The following ARHGAP23 variants were observed in gnomAD, a reference collection of about 807,000 sequenced individuals.
ARHGAP23 encodes the protein Rho GTPase activating protein 23.
A neutral mutation model predicts 136.3 loss-of-function variants in ARHGAP23; 34 were observed. The ratio of observed to expected loss-of-function variants is 0.25; its 90% CI spans 0.19 to 0.33. The LOEUF is 0.33. Ranked by LOEUF, ARHGAP23 falls within the 10% of genes least tolerant of loss-of-function variation. The pLI is 1.00. For missense variants in ARHGAP23, 1,808 were observed against 2,139.0 expected (o/e 0.85, Z 3.05); for synonymous variants, 832 against 920.5 (o/e 0.90, Z 1.74).
intron 11 of ARHGAP23, among the ~76,000 whole-genome samples, chr17:38,473,825 G>A (rs1433658951): frequency 6.6e-6 from 1 of 152,178 alleles, no homozygotes; most frequent in African/African-American, 2.4e-5. Flanking sequence ...GGGAGCCAGG[G>A]CGAGAGGTGG....
At chr17:38,499,744 G>C (rs562149945) in intron 22 of ARHGAP23, among the ~76,000 whole-genome samples, 374 of 152,258 alleles carry the variant, frequency 2.5e-3, no homozygotes, top group African/African-American at 8.9e-3. Context: ...GGTCCGGAGA[G>C]GGGGGCGTCT....
chr17:38,463,047 C>T, intron 4 of ARHGAP23, 71 bp from the exon 5 acceptor site: 1 of 1,534,938 alleles, frequency 6.5e-7, no homozygotes, highest in African/African-American at 1.4e-5. Flanking sequence ...GTTAGCCATG[C>T]CTGGTACAGG....
intron 7 of ARHGAP23, among the ~76,000 whole-genome samples, chr17:38,467,938 T>G (rs1245092248): frequency 6.6e-6 from 1 of 152,212 alleles, no homozygotes; most frequent in Admixed American, 6.5e-5. Context: ...CATGGCTCCA[T>G]GCTCTCCTGG....
intron 1 of ARHGAP23, among the ~76,000 whole-genome samples, chr17:38,434,434 G>A (rs896172145): frequency 2.0e-5 from 3 of 152,262 alleles, no homozygotes; most frequent in African/African-American, 7.2e-5. Flanking sequence ...CCTCTTTGAA[G>A]TGACCCTTTC....
chr17:38,466,717 G>A lies in ARHGAP23; in HGVS notation c.1034G>A (p.Gly345Asp), dbSNP rs1208755110. The A allele has an allele frequency of 1.3e-6, 2 of 1,538,220 alleles. No homozygotes were observed. The highest frequency in any genetic ancestry group is 1.8e-6 in the Non-Finnish European group (2 of 1,141,450). The change falls in exon 7 of 24, where the codon GGC (glycine) becomes GAC (aspartate). Residue 345 changes from glycine (G) to aspartate (D), a missense_variant. Coordinates refer to ENST00000622683, the MANE Select transcript of ARHGAP23 (RefSeq NM_001199417.2). ...QDALSQLGQE[G>D]WHRARSDDYL... ...GCTTTGAGCCAGCTGGGCCAGGAGG[G>A]CTGGCACCGAGCTCGCTCAGATGAC...
chr17:38,448,562 G>T (rs949206518), intron 1 of ARHGAP23, among the ~76,000 whole-genome samples: 1 of 151,710 alleles, frequency 6.6e-6, no homozygotes, highest in Non-Finnish European at 1.5e-5. Context: ...TAGAGATAGG[G>T]CTCTGACTCA....
intron 1 of ARHGAP23, among the ~76,000 whole-genome samples, chr17:38,446,293 G>A (rs1012517520): frequency 2.0e-5 from 3 of 150,928 alleles, no homozygotes; most frequent in Non-Finnish European, 2.9e-5. Context: ...CCAAAGTGCT[G>A]GGATTACAGG....
intron 8 of ARHGAP23, 57 bp downstream of exon 8, chr17:38,469,356 G>A (rs1179411941): frequency 7.3e-6 from 11 of 1,506,720 alleles, no homozygotes; most frequent in Middle Eastern, 1.7e-4. Context: ...AGTCCCAGGG[G>A]TCTCTGTTGG....
intron 23 of ARHGAP23, among the ~76,000 whole-genome samples, chr17:38,504,505 C>T (rs764230157): frequency 3.2e-4 from 49 of 152,194 alleles, no homozygotes; most frequent in Non-Finnish European, 6.0e-4. Flanking sequence ...CTGCAAGTGC[C>T]GGACATTCAC....
Position 38,462,918 on chromosome 17 carries a change from C to T in ARHGAP23, c.326C>T (p.Ala109Val). 2 of 1,539,762 alleles carry T rather than the reference C, an allele frequency of 1.3e-6. No individual in the cohort carries two copies. The highest frequency in any genetic ancestry group is 1.7e-6 in the Non-Finnish European group (2 of 1,143,848). The change falls in exon 4 of 24, where the codon GCC becomes GTC. Residue 109 changes from alanine (A) to valine (V), a missense_variant. Around this residue, in one of 7 missense-constraint regions of ARHGAP23, gnomAD observed 859 missense variants for 936.4 expected, o/e 0.92. Coordinates refer to ENST00000622683, the MANE Select transcript of ARHGAP23 (RefSeq NM_001199417.2). ...FVKNVKEDGP[A>V]HRAGLRTGDR... ...AAGAATGTGAAGGAAGACGGCCCTGCCCATAGGGCGGGGCTTCGCACAGGT... is the reference window on the plus strand; with the variant it reads ...AAGAATGTGAAGGAAGACGGCCCTGTCCATAGGGCGGGGCTTCGCACAGGT...
At position 38,466,510 on chromosome 17, in the gene ARHGAP23, G is replaced by A. The variant is rs1318539527; in HGVS notation, c.827G>A (p.Arg276Gln). The change falls in exon 7 of 24, where the codon CGG (arginine) becomes CAG (glutamine). Residue 276 changes from arginine (R) to glutamine (Q), a missense_variant. Arg to Gln is a conservative substitution (Grantham distance 43). Around this residue, in one of 7 missense-constraint regions of ARHGAP23, gnomAD observed 859 missense variants for 936.4 expected, o/e 0.92. Transcript: ENST00000622683. ...CGTGCCTTCCCAGAGCCTGGCAGCC[G>A]GGTGCCCCCCAGCAGACTGGAGTGC... ...TPRAFPEPGS[R>Q]VPPSRLECQQ... The A allele has an allele frequency of 4.0e-6, 6 of 1,484,806 alleles. No homozygotes were observed. The Admixed American group carries it at 6.7e-5, about 17-fold the overall frequency. 92.0% of individuals were successfully genotyped at this position (1,484,806 alleles called of 1,614,324 possible).
chr17:38,510,681 G>T lies in ARHGAP23; in HGVS notation c.4185G>T (p.Glu1395Asp). ...AVRLRRPLSP[E>D]TRRRRSSWRR... ...GCCTGCGGCGGCCGCTGTCGCCCGAGACCCGGCGGCGCCGGAGCAGCTGGC... is the reference window on the plus strand; with the variant it reads ...GCCTGCGGCGGCCGCTGTCGCCCGATACCCGGCGGCGCCGGAGCAGCTGGC... Residue 1395 changes from glutamate (E) to aspartate (D), a missense_variant, in exon 24 of 24, where the codon GAG (glutamate) becomes GAT (aspartate). Glu to Asp is a conservative substitution (Grantham distance 45, BLOSUM62 2). Coordinates refer to ENST00000622683, the MANE Select transcript of ARHGAP23 (RefSeq NM_001199417.2). This position sits in a 1 kb window ranked among gnomAD's most constrained non-coding sequence, Gnocchi z 4.6. The T allele has an allele frequency of 1.4e-6, 2 of 1,411,992 alleles. No homozygotes were observed. Among genetic ancestry groups the T allele is most frequent in the Non-Finnish European group, 9.2e-7 (1 of 1,091,532 alleles). 87.5% of individuals were successfully genotyped at this position (1,411,992 alleles called of 1,614,324 possible).
At chr17:38,435,872 A>G (rs543795222) in intron 1 of ARHGAP23, among the ~76,000 whole-genome samples, 159 of 152,316 alleles carry the variant, frequency 1.0e-3, no homozygotes, top group African/African-American at 3.7e-3. Context: ...AAGTGTTGGG[A>G]TTACAGGCGT....
Position 38,510,192 on chromosome 17 carries a change from G to A in ARHGAP23, c.3696G>A (p.Pro1232=). Reference sequence around the variant, plus strand: ...AGGCCCCCGGACGCCTCAGTCCCCCGGCGGCGCCGGAGGAGCGGCCGGCCG... The same window carrying A: ...AGGCCCCCGGACGCCTCAGTCCCCCAGCGGCGCCGGAGGAGCGGCCGGCCG... ...APEAPGRLSP[P]AAPEERPAAD... is the part of the protein sequence containing the mutation. Residue 1232 remains proline (P), a synonymous_variant, in exon 24 of 24, where the codon CCG becomes CCA. Transcript: ENST00000622683. This position sits in a 1 kb window ranked among gnomAD's most constrained non-coding sequence, Gnocchi z 4.6. 1 of 1,354,636 alleles carries A rather than the reference G, an allele frequency of 7.4e-7. No individual in the cohort carries two copies. Among genetic ancestry groups the A allele is most frequent in the Non-Finnish European group, 9.5e-7 (1 of 1,054,934 alleles). 83.9% of individuals were successfully genotyped at this position (1,354,636 alleles called of 1,614,324 possible).
intron 1 of ARHGAP23, among the ~76,000 whole-genome samples, chr17:38,422,054 A>C (rs1004219574): frequency 6.6e-6 from 1 of 152,144 alleles, no homozygotes; most frequent in Non-Finnish European, 1.5e-5. Context: ...GAAAAGCCCT[A>C]TGTAGAACTG....
rs924415471 is a variant in ARHGAP23, at chr17:38,437,797, G to GC, written c.63+9249_63+9250insC. 8.3e-4 allele frequency among the ~76,000 whole-genome samples: 123 copies of GC among 148,378 alleles called. 1 individual carries two copies. Among genetic ancestry groups the GC allele is most frequent in the African/African-American group, 2.5e-3 (96 of 38,196 alleles). ...CCAAGCAAAGGTTGGCATAACGAAG[G>GC]GGGGGGAGGGCAGATGTAATGGGTG... On this transcript the variant is annotated intron_variant, in intron 1 of 23. Transcript: ENST00000622683.
chr17:38,509,782 C>T (rs944118247), intron 23 of ARHGAP23, among the ~76,000 whole-genome samples, 162 bp from the exon 24 acceptor site: 24 of 152,034 alleles, frequency 1.6e-4, no homozygotes, highest in Non-Finnish European at 3.2e-4. Context: ...GAGGGCGGCA[C>T]GGGGCTGGAG....
chr17:38,471,436 T>C (rs1426681117), intron 10 of ARHGAP23, among the ~76,000 whole-genome samples: 6 of 152,268 alleles, frequency 3.9e-5, no homozygotes, highest in African/African-American at 1.2e-4. Context: ...CTGTTGAGAC[T>C]GTCACTTCCT....
chr17:38,462,772 C>A (rs2039491700), intron 3 of ARHGAP23, 74 bp from the exon 4 acceptor site: 1 of 1,040,706 alleles, frequency 9.6e-7, no homozygotes, highest in Non-Finnish European at 1.4e-6. Context: ...GAGTGTGTGT[C>A]CCCTGTGTGT....
Sources: allele counts gnomAD v4.1 joint callset (sites outside exome capture counted in the v4.1 genomes callset), GRCh38; gene constraint gnomAD v4.1.1; regional missense constraint gnomAD v4.1.1; non-coding constraint Gnocchi (gnomAD v3.1); transcripts MANE v1.5; gene names NCBI Gene and HGNC (gene_info 2026-07-23, HGNC 2026-07-21).